PCDHA5: variants seen among roughly 807,000 people sequenced by gnomAD.
PCDHA5 encodes protocadherin alpha-5.
Under a neutral mutation model 61.6 loss-of-function variants are expected in PCDHA5, and 43 were observed. The ratio of observed to expected loss-of-function variants is 0.70; its 90% confidence interval spans 0.55 to 0.90. PCDHA5 has a LOEUF of 0.90. PCDHA5 is among the 40% of genes least tolerant of loss of function. The pLI is 0.00. For missense variants in PCDHA5, 1,298 were observed against 1,222.7 expected (o/e 1.06, Z -0.92); for synonymous variants, 627 against 543.9 (o/e 1.15, Z -2.13).
chr5:140,929,307 C>T (rs149565434), intron 1 of PCDHA5: 10 of 1,570,046 alleles, frequency 6.4e-6, no homozygotes, highest in Admixed American at 1.8e-5. Context: ...AAGGGGATCA[C>T]GCTAATGTCA....
chr5:140,961,736 T>C (rs1554225571), intron 1 of PCDHA5, among the ~76,000 whole-genome samples: 1 of 152,178 alleles, frequency 6.6e-6, no homozygotes. Context: ...ACAATCACTT[T>C]AGTAATATTA....
chr5:140,932,346 A>C (rs529573484), intron 1 of PCDHA5, among the ~76,000 whole-genome samples: 1 of 151,954 alleles, frequency 6.6e-6, no homozygotes, highest in African/African-American at 2.4e-5. Context: ...AACACTTACC[A>C]TACAACTGGC....
At chr5:140,881,377 G>A (rs557722479) in intron 1 of PCDHA5, 222 of 984,702 alleles carry the variant, frequency 2.3e-4, no homozygotes, top group Non-Finnish European at 2.4e-4. Flanking sequence ...AATTGCAGCC[G>A]GCGGCGGTAA....
At chr5:140,965,281 G>A (rs574183012) in intron 1 of PCDHA5, among the ~76,000 whole-genome samples, 1 of 152,310 alleles carries the variant, frequency 6.6e-6, no homozygotes, top group African/African-American at 2.4e-5. Flanking sequence ...GACACAGCAT[G>A]GAAAGATTTC....
intron 1 of PCDHA5, among the ~76,000 whole-genome samples, chr5:140,826,648 C>G (rs1181948430): frequency 1.3e-5 from 2 of 152,006 alleles, no homozygotes; most frequent in African/African-American, 4.8e-5. Context: ...ATGAAGGTAA[C>G]ATTTTTGCAA....
At chr5:140,992,318 C>G (rs2097504992) in intron 3 of PCDHA5, among the ~76,000 whole-genome samples, 1 of 152,128 alleles carries the variant, frequency 6.6e-6, no homozygotes, top group African/African-American at 2.4e-5. Flanking sequence ...TGGGCATTCC[C>G]TTTTCTAAGA....
chr5:140,852,333 A>G, intron 1 of PCDHA5: 1 of 262,614 alleles, frequency 3.8e-6, no homozygotes, highest in Non-Finnish European at 6.4e-6. Context: ...GCTGGAGTAC[A>G]GTGGCATGAT....
rs538677309 is a variant in PCDHA5, at chr5:140,927,177, G to T, written c.2353-51772G>T. ...GCAGGGCCAAAGCTGCCTGCGTCTT[G>T]ACCTACGACCTGGTGCTCGAGGACC... On this transcript the variant is annotated intron_variant, in intron 1 of 3. Coordinates refer to ENST00000529859, the MANE Select transcript of PCDHA5 (RefSeq NM_018908.3). 78 of 1,614,148 alleles carry T rather than the reference G, an allele frequency of 4.8e-5. 3 individuals carry two copies. In the East Asian group the frequency reaches 6.7e-4, roughly 14 times the overall value.
chr5:140,836,225 G>A (rs1774300222), intron 1 of PCDHA5: 1 of 1,613,770 alleles, frequency 6.2e-7, no homozygotes, highest in Non-Finnish European at 8.5e-7. Flanking sequence ...TGCAACCGGT[G>A]GCGGCCGGTG....
In PCDHA5 at chr5:140,876,882, G is replaced by A. The variant is rs377092859; in HGVS notation, c.2352+52755G>A. The A allele has an allele frequency of 3.2e-5, 52 of 1,614,140 alleles. 1 individual carries two copies. The African/African-American group carries it at 4.3e-4, about 13-fold the overall frequency. On this transcript the variant is annotated intron_variant, in intron 1 of 3. Transcript: ENST00000529859. ...TGTTCGTGAAGGAGAACAACCCGCC[G>A]GGCTGCCACATCTTCACGGTGTCGG...
At chr5:140,990,627 A>G (rs782672988) in intron 3 of PCDHA5, among the ~76,000 whole-genome samples, 16 of 152,198 alleles carry the variant, frequency 1.1e-4, no homozygotes, top group Non-Finnish European at 1.5e-4. Flanking sequence ...GTCTGTGGTA[A>G]GACTAGAAGC....
chr5:140,959,538 A>G (rs1310965047), intron 1 of PCDHA5, among the ~76,000 whole-genome samples: 1 of 152,204 alleles, frequency 6.6e-6, no homozygotes, highest in Non-Finnish European at 1.5e-5. Flanking sequence ...TAATTCAGAG[A>G]TGCTGTATAA....
intron 3 of PCDHA5, among the ~76,000 whole-genome samples, chr5:140,994,116 T>C: frequency 6.6e-6 from 1 of 152,196 alleles, no homozygotes; most frequent in East Asian, 1.9e-4. Context: ...CATTGTCATG[T>C]GATAAGGGCG....
chr5:140,941,185 C>CT (rs782102770), intron 1 of PCDHA5, among the ~76,000 whole-genome samples: 18 of 102,242 alleles, frequency 1.8e-4, no homozygotes, highest in East Asian at 3.7e-4. Flanking sequence ...CATCCTGCTT[C>CT]TTTTTTTTTC....
chr5:140,830,481 C>A (rs2150187126), intron 1 of PCDHA5: 1 of 1,505,878 alleles, frequency 6.6e-7, no homozygotes, highest in East Asian at 2.4e-5. Flanking sequence ...GATCATGATG[C>A]CAAAGTAAGT....
At chr5:140,914,606 C>A (rs1212372337) in intron 1 of PCDHA5, among the ~76,000 whole-genome samples, 2 of 152,072 alleles carry the variant, frequency 1.3e-5, no homozygotes, top group Admixed American at 6.5e-5. Context: ...CTTCCTCCTG[C>A]CATTTTGTAA....
At position 140,829,995 on chromosome 5, in the gene PCDHA5, G is replaced by C. The variant is rs1297305883; in HGVS notation, c.2352+5868G>C. On this transcript the variant is annotated intron_variant, in intron 1 of 3. Transcript: ENST00000529859. ...TACACGGGCGAGATCAGCACCACTCGTGTCCTGGACGAAGCGGACTCTCCG... is the reference window on the plus strand; with the variant it reads ...TACACGGGCGAGATCAGCACCACTCCTGTCCTGGACGAAGCGGACTCTCCG... 2 of 1,613,982 alleles carry C rather than the reference G, an allele frequency of 1.2e-6. No homozygotes were observed. The highest frequency in any genetic ancestry group is 3.3e-5 in the Admixed American group (2 of 60,034).
At chr5:140,842,654 G>A in intron 1 of PCDHA5, 1 of 1,595,506 alleles carries the variant, frequency 6.3e-7, no homozygotes, top group Non-Finnish European at 8.6e-7. Context: ...GTCTGTGGAG[G>A]TGGCCGACGT....
intron 1 of PCDHA5, chr5:140,857,647 G>T: frequency 6.3e-7 from 1 of 1,596,858 alleles, no homozygotes; most frequent in Non-Finnish European, 8.6e-7. Flanking sequence ...TACAGTTCCA[G>T]GTGAGCGCGC....
Sources: gnomAD v4.1 joint callset for allele counts (sites outside exome capture counted in the v4.1 genomes callset) on GRCh38, gnomAD v4.1.1 for gene constraint, MANE v1.5 for transcripts, NCBI Gene and HGNC (gene_info 2026-07-23, HGNC 2026-07-21) for gene names.